Variants in RYR2 observed in about 807,000 individuals in gnomAD.
RYR2 encodes the protein ryanodine receptor 2.
A neutral mutation model predicts 601.1 loss-of-function variants in RYR2; 227 were observed. The ratio of observed to expected loss-of-function variants is 0.38; its 90% CI spans 0.34 to 0.42. RYR2 has a LOEUF of 0.42. Ranked by LOEUF, RYR2 falls within the 10% of genes least tolerant of loss-of-function variation. The probability of loss-of-function intolerance (pLI) is 1.00; values close to 1 mark genes in which losing one functional copy is unlikely to be tolerated. For missense variants in RYR2, 4,646 were observed against 6,156.5 expected, an observed-to-expected ratio of 0.75 and a Z score of 8.21; for synonymous variants, 2,223 against 2,175.1, an observed-to-expected ratio of 1.02 and a Z score of -0.61.
rs533159411 is a variant in RYR2 at position 237,165,200 on chromosome 1, G to A, written c.49-105297G>A. Among the ~76,000 whole-genome samples, 49 of 151,788 alleles carry A rather than the reference G, an allele frequency of 3.2e-4. 2 individuals are homozygous for A. The South Asian group carries it at 0.01, about 32-fold the overall frequency. On this transcript the variant is annotated intron_variant, in intron 1 of 104. Coordinates refer to ENST00000366574, the MANE Select transcript of RYR2 (RefSeq NM_001035.3). ...ATTTATTCATTTTATTTATATTCCTGGAATAAGATTACAGATAGGGCAGGA... is the reference window on the plus strand; with the variant it reads ...ATTTATTCATTTTATTTATATTCCTAGAATAAGATTACAGATAGGGCAGGA...
At chr1:237,461,056 T>C (rs963649487) in intron 16 of RYR2, among the ~76,000 whole-genome samples, 4 of 152,224 alleles carry the variant, frequency 2.6e-5, no homozygotes, top group Admixed American at 6.5e-5. Flanking sequence ...TAGCAAAGAA[T>C]GTTATGGATT....
At chr1:237,629,274 C>T (rs1680009626) in intron 41 of RYR2, among the ~76,000 whole-genome samples, 1 of 151,778 alleles carries the variant, frequency 6.6e-6, no homozygotes, top group Admixed American at 6.6e-5. Context: ...ACAACCAAAG[C>T]CCAGGCTGTT....
At chr1:237,798,817 A>T (rs1256736674) in intron 97 of RYR2, among the ~76,000 whole-genome samples, 1 of 145,258 alleles carries the variant, frequency 6.9e-6, no homozygotes, top group Non-Finnish European at 1.5e-5. Flanking sequence ...GTGTGAGTGT[A>T]CAGATATATA....
intron 1 of RYR2, among the ~76,000 whole-genome samples, chr1:237,171,774 A>G (rs1677421567): frequency 6.6e-6 from 1 of 152,070 alleles, no homozygotes; most frequent in South Asian, 2.1e-4. Context: ...ATTGCTTCCT[A>G]TTTTTGCCAC....
intron 2 of RYR2, among the ~76,000 whole-genome samples, chr1:237,282,721 T>C (rs1691021361): frequency 6.6e-6 from 1 of 152,208 alleles, no homozygotes. Context: ...CTTAAGTTAA[T>C]GAATGTTTTT....
At chr1:237,654,691 G>A (rs559569979) in intron 52 of RYR2, among the ~76,000 whole-genome samples, 6 of 152,144 alleles carry the variant, frequency 3.9e-5, no homozygotes, top group East Asian at 1.9e-4. Context: ...ATAAGTTTCC[G>A]GTGCATTTGG....
chr1:237,308,859 T>A (rs1223512183), intron 2 of RYR2, among the ~76,000 whole-genome samples: 1 of 152,200 alleles, frequency 6.6e-6, no homozygotes, highest in Admixed American at 6.5e-5. Context: ...ATCCTGCTGA[T>A]TGGTCCATTT....
intron 1 of RYR2, among the ~76,000 whole-genome samples, chr1:237,156,138 T>C (rs373813351): frequency 6.6e-6 from 1 of 152,214 alleles, no homozygotes; most frequent in East Asian, 1.9e-4. Flanking sequence ...TCTGCTGTAT[T>C]CCTGGCCATC....
At chr1:237,501,618 T>C (rs1664647499) in intron 21 of RYR2, among the ~76,000 whole-genome samples, 1 of 152,240 alleles carries the variant, frequency 6.6e-6, no homozygotes, top group Admixed American at 6.5e-5. Context: ...TTTCAGTTAT[T>C]CTTTTAGTTA....
intron 4 of RYR2, among the ~76,000 whole-genome samples, chr1:237,356,225 A>G (rs1442961991): frequency 6.6e-6 from 1 of 152,030 alleles, no homozygotes; most frequent in East Asian, 1.9e-4. Context: ...CATAGTTTTT[A>G]TATAATTTAT....
chr1:237,535,483 A>G (rs1668516038), intron 25 of RYR2, among the ~76,000 whole-genome samples: 1 of 110,034 alleles, frequency 9.1e-6, no homozygotes, highest in Admixed American at 1.2e-4. Flanking sequence ...TCAAACACAC[A>G]TACACACACA....
chr1:237,336,864 A>AT (rs1253595327), intron 3 of RYR2, among the ~76,000 whole-genome samples: 176 of 151,802 alleles, frequency 1.2e-3, no homozygotes, highest in Non-Finnish European at 1.3e-3. Flanking sequence ...CTCTAAATAA[A>AT]TAAATAAATT....
At chr1:237,541,862 AGGACC>A (rs1669306766) in intron 25 of RYR2, among the ~76,000 whole-genome samples, 1 of 152,094 alleles carries the variant, frequency 6.6e-6, no homozygotes, top group Admixed American at 6.5e-5. Flanking sequence ...ACTTAAGACA[AGGACC>A]GGCCATTTTC....
intron 49 of RYR2, 146 bp downstream of exon 49, chr1:237,648,759 C>A: frequency 1.0e-6 from 1 of 993,954 alleles, no homozygotes; most frequent in Non-Finnish European, 1.4e-6. Flanking sequence ...CATGGGTAAA[C>A]AGAAAATAAA....
At chr1:237,600,330 G>A (rs1050179823) in intron 34 of RYR2, among the ~76,000 whole-genome samples, 1 of 152,094 alleles carries the variant, frequency 6.6e-6, no homozygotes, top group Non-Finnish European at 1.5e-5. Flanking sequence ...CAACAAAGGT[G>A]CCAAGAACAC....
Position 237,546,988 on chromosome 1 carries a change from TA to T in RYR2, c.2907-1442del, listed in dbSNP as rs1559005067. On this transcript the variant is annotated intron_variant, in intron 25 of 104. Transcript: ENST00000366574. ...TTATTTTCAAAAGCATATATATATA[TA>T]TATATATTTATTTATTTATTTATTT... Among the ~76,000 whole-genome samples, 20 of 128,580 alleles carry T rather than the reference TA, an allele frequency of 1.6e-4. No individual in the cohort carries two copies. The South Asian group carries it at 2.7e-3, about 17-fold the overall frequency. 84.4% of individuals were successfully genotyped at this position (128,580 alleles called of 152,430 possible).
At position 237,631,547 on chromosome 1, in the gene RYR2, G is replaced by A. The variant is rs372661934; in HGVS notation, c.6555+6G>A. On this transcript the variant is annotated splice_donor_region_variant and intron_variant, in intron 42 of 104. Transcript: ENST00000366574. ...TTGGAGGTGGAGAGTCCAAGGTAACGTCTTTGATTCCTGAGATGCTATTTA... is the reference window on the plus strand; with the variant it reads ...TTGGAGGTGGAGAGTCCAAGGTAACATCTTTGATTCCTGAGATGCTATTTA... 566 of 1,517,118 alleles carry A rather than the reference G, an allele frequency of 3.7e-4. 7 individuals carry two copies. In the African/African-American group the frequency reaches 6.7e-3, roughly 18 times the overall value. The allele number at this position is 1,517,118 out of a possible 1,614,324, so 94.0% of individuals were successfully genotyped here.
At chr1:237,482,847 AC>A (rs1272465660) in intron 17 of RYR2, among the ~76,000 whole-genome samples, 2 of 151,886 alleles carry the variant, frequency 1.3e-5, no homozygotes, top group African/African-American at 2.4e-5. Flanking sequence ...TTTTCTCCAT[AC>A]CCTTGCCAGC....
intron 27 of RYR2, among the ~76,000 whole-genome samples, chr1:237,551,987 AG>A (rs1670450417): frequency 1.3e-5 from 2 of 152,196 alleles, no homozygotes; most frequent in East Asian, 3.9e-4. Flanking sequence ...CTTTGAATTG[AG>A]TAAAGACATA....
Sources: allele counts gnomAD v4.1 joint callset (sites outside exome capture counted in the v4.1 genomes callset), GRCh38; gene constraint gnomAD v4.1.1; transcripts MANE v1.5; gene names NCBI Gene and HGNC (gene_info 2026-07-23, HGNC 2026-07-21).